Variants in DNAAF10 observed in about 807,000 individuals in gnomAD.
DNAAF10 encodes the protein WD repeat domain 92.
A neutral mutation model predicts 43.7 loss-of-function variants in DNAAF10; 28 were observed. The ratio of observed to expected loss-of-function variants is 0.64; its 90% confidence interval spans 0.48 to 0.88. The LOEUF is 0.88. DNAAF10 is among the 40% of genes least tolerant of loss of function. DNAAF10 has a pLI of 0.00. For missense variants in DNAAF10, 403 were observed against 439.1 expected (o/e 0.92, Z 0.73); for synonymous variants, 156 against 157.3 (o/e 0.99, Z 0.06).
At chr2:68,148,093 G>A (rs1405853444) in intron 1 of DNAAF10, among the ~76,000 whole-genome samples, 1 of 152,076 alleles carries the variant, frequency 6.6e-6, no homozygotes, top group East Asian at 1.9e-4. Flanking sequence ...AATCTTTTGA[G>A]GTTTCTTTAC....
chr2:68,136,843 T>C (rs1558607252), intron 6 of DNAAF10, among the ~76,000 whole-genome samples: 1 of 152,114 alleles, frequency 6.6e-6, no homozygotes, highest in Non-Finnish European at 1.5e-5. Context: ...TTTGAACATT[T>C]ACTATAATCA....
At chr2:68,141,907 G>T in intron 3 of DNAAF10, 112 bp from the exon 4 acceptor site, 2 of 846,546 alleles carry the variant, frequency 2.4e-6, no homozygotes, top group Non-Finnish European at 3.9e-6. Context: ...CAGATGTTAT[G>T]ACATCTGAAA....
At chr2:68,150,223 TC>T (rs1431316764) in intron 1 of DNAAF10, among the ~76,000 whole-genome samples, 3 of 152,224 alleles carry the variant, frequency 2.0e-5, no homozygotes. Context: ...TCCCTGTTAT[TC>T]TTTTACCCAA....
intron 1 of DNAAF10, among the ~76,000 whole-genome samples, chr2:68,154,449 T>C (rs2103642373): frequency 6.6e-6 from 1 of 151,974 alleles, no homozygotes; most frequent in Middle Eastern, 3.4e-3. Flanking sequence ...GGTTTCACCG[T>C]GTTAGCCAGG....
intron 1 of DNAAF10, among the ~76,000 whole-genome samples, chr2:68,153,356 A>AG (rs1490931176): frequency 6.6e-6 from 1 of 150,780 alleles, no homozygotes; most frequent in African/African-American, 2.4e-5. Context: ...AAAAAAAAAA[A>AG]AAAAAAAAAA....
intron 3 of DNAAF10, 124 bp downstream of exon 3, chr2:68,144,461 C>A (rs911870117): frequency 2.4e-5 from 30 of 1,259,402 alleles, no homozygotes; most frequent in Non-Finnish European, 3.2e-5. Flanking sequence ...AAAGTAGCAG[C>A]AAGACTGTTA....
At chr2:68,148,848 A>G (rs1308790043) in intron 1 of DNAAF10, among the ~76,000 whole-genome samples, 1 of 152,262 alleles carries the variant, frequency 6.6e-6, no homozygotes, top group Non-Finnish European at 1.5e-5. Flanking sequence ...AGTCCCTTTA[A>G]CACTCTCCAG....
At position 68,131,272 on chromosome 2, in the gene DNAAF10, C is replaced by T; in HGVS notation, c.1040G>A (p.Arg347Lys). The change falls in exon 8 of 8, where the codon AGA becomes AAA. Residue 347 changes from arginine to lysine, a missense_variant. Transcript: ENST00000295121. ...CVCSSFDQTVRVLIVTKLNKI is the reference protein window; with the variant it reads ...CVCSSFDQTVKVLIVTKLNKI ...ATTGAGCTTTGTAACGATCAGTACTCTCACCGTTTGGTCAAATGAACTACA... is the reference window on the plus strand; with the variant it reads ...ATTGAGCTTTGTAACGATCAGTACTTTCACCGTTTGGTCAAATGAACTACA... 6.2e-7 allele frequency: 1 copy of T among 1,614,066 alleles called. No individual in the cohort carries two copies. Among genetic ancestry groups the T allele is most frequent in the Non-Finnish European group, 8.5e-7 (1 of 1,179,998 alleles).
intron 1 of DNAAF10, among the ~76,000 whole-genome samples, chr2:68,148,790 G>A (rs1316895943): frequency 6.6e-6 from 1 of 152,092 alleles, no homozygotes. Context: ...AGTAATACCT[G>A]CTCCCTATAA....
Position 68,144,711 on chromosome 2 carries a change from A to T in DNAAF10, c.289T>A (p.Leu97Ile), listed in dbSNP as rs1274318370. The change falls in exon 3 of 8, where the codon TTA becomes ATA. Residue 97 changes from leucine (L) to isoleucine (I), a missense_variant. By Grantham distance (5) the Leu-to-Ile change is conservative (BLOSUM62 2). Transcript: ENST00000295121. ...DFGGNLHIWN[L>I]EAPEMPVYSV... ...TATACTGGCATCTCTGGAGCTTCTA[A>T]ATTCCTAAACAACAAACACAGCTTC... 1.2e-6 allele frequency: 2 copies of T among 1,609,594 alleles called. No homozygotes were observed. Among genetic ancestry groups the T allele is most frequent in the Non-Finnish European group, 1.7e-6 (2 of 1,179,056 alleles).
At chr2:68,154,309 C>T (rs540984085) in intron 1 of DNAAF10, among the ~76,000 whole-genome samples, 4 of 152,202 alleles carry the variant, frequency 2.6e-5, no homozygotes, top group South Asian at 4.1e-4. Flanking sequence ...TGCAGTGGCG[C>T]GATCTCGGCT....
chr2:68,154,909 C>T (rs1038828971), intron 1 of DNAAF10, among the ~76,000 whole-genome samples: 3 of 151,970 alleles, frequency 2.0e-5, no homozygotes, highest in African/African-American at 7.3e-5. Context: ...ACTACAGGCT[C>T]GCATCACTAT....
intron 2 of DNAAF10, among the ~76,000 whole-genome samples, chr2:68,144,957 T>C (rs1673281102): frequency 6.6e-6 from 1 of 152,162 alleles, no homozygotes; most frequent in Non-Finnish European, 1.5e-5. Context: ...CCATACTTAG[T>C]GTTCTTCAAA....
intron 1 of DNAAF10, among the ~76,000 whole-genome samples, chr2:68,150,221 A>AT (rs1673420101): frequency 6.6e-6 from 1 of 152,210 alleles, no homozygotes; most frequent in Admixed American, 6.5e-5. Context: ...CCTCCCTGTT[A>AT]TTCTTTTACC....
At chr2:68,133,992 T>A (rs551530625) in intron 7 of DNAAF10, 1 of 384,350 alleles carries the variant, frequency 2.6e-6, no homozygotes, top group South Asian at 1.1e-4. Context: ...GGGCTTGCTG[T>A]TTTTTCCCTG....
rs879114176 is a variant in DNAAF10 at position 68,130,914 on chromosome 2, C to CTTTT, written c.*320_*323dup. 9.6e-4 allele frequency: 118 copies of CTTTT among 122,566 alleles called. 3 individuals are homozygous for CTTTT. The highest frequency in any genetic ancestry group is 1.6e-3 in the African/African-American group (43 of 27,032). The allele number at this position is 122,566 out of a possible 1,614,324, so 7.6% of individuals were successfully genotyped here. The stretch of plus-strand genomic sequence containing the variant: ...CTCTGGAAGGTTTCAAGTCCAAAGT[C>CTTTT]TTTTTTTTTTTTTTTTTTTTTGAGA... On this transcript the variant is annotated 3_prime_UTR_variant, in exon 8 of 8. Transcript: ENST00000295121.
chr2:68,142,662 C>T (rs1372171948), intron 3 of DNAAF10, among the ~76,000 whole-genome samples: 1 of 151,962 alleles, frequency 6.6e-6, no homozygotes, highest in Non-Finnish European at 1.5e-5. Context: ...TTTCAACCCC[C>T]TTGTTTTAAT....
chr2:68,155,618 A>G (rs1673578031), intron 1 of DNAAF10, among the ~76,000 whole-genome samples: 3 of 152,250 alleles, frequency 2.0e-5, no homozygotes, highest in Admixed American at 6.5e-5. Context: ...GTTTGAGCCC[A>G]GGAGTTCCAG....
chr2:68,153,859 C>G (rs1673520037), intron 1 of DNAAF10, among the ~76,000 whole-genome samples: 1 of 141,510 alleles, frequency 7.1e-6, no homozygotes. Context: ...TCAAGTGATT[C>G]TCGTGCCTCA....
Sources: allele counts gnomAD v4.1 joint callset (sites outside exome capture counted in the v4.1 genomes callset), GRCh38; gene constraint gnomAD v4.1.1; transcripts MANE v1.5; gene names NCBI Gene and HGNC (gene_info 2026-07-23, HGNC 2026-07-21).